The following CAMK1D variants were observed in gnomAD, a reference collection of about 807,000 sequenced individuals.
The protein encoded by CAMK1D is calcium/calmodulin dependent protein kinase ID, also known as calcium/calmodulin-dependent protein kinase type 1D.
CAMK1D carries 9 observed loss-of-function variants against 47.7 expected under a neutral mutation model. The ratio of observed to expected loss-of-function variants is 0.19; its 90% CI spans 0.11 to 0.33. The LOEUF (loss-of-function observed/expected upper bound fraction) is 0.33, where lower values mean the gene tolerates loss of function less well. CAMK1D is among the 10% of genes least tolerant of loss of function. The probability of loss-of-function intolerance (pLI) is 1.00; values close to 1 mark genes in which losing one functional copy is unlikely to be tolerated. For synonymous variants in CAMK1D, 184 were observed against 184.9 expected, an observed-to-expected ratio of 0.99 and a Z score of 0.04; for missense variants, 291 against 488.7, an observed-to-expected ratio of 0.60 and a Z score of 3.81.
chr10:12,710,448 A>G (rs1282282264), intron 3 of CAMK1D, among the ~76,000 whole-genome samples: 1 of 152,270 alleles, frequency 6.6e-6, no homozygotes, highest in Non-Finnish European at 1.5e-5. Flanking sequence ...AACATGAAAA[A>G]TAAAGAGCCC....
At chr10:12,501,792 A>AT (rs1245842332) in intron 1 of CAMK1D, among the ~76,000 whole-genome samples, 1 of 152,068 alleles carries the variant, frequency 6.6e-6, no homozygotes, top group Non-Finnish European at 1.5e-5. Flanking sequence ...ACCCTAAAGT[A>AT]TTATACAGCC....
chr10:12,703,573 G>C (rs1293514677), intron 3 of CAMK1D, among the ~76,000 whole-genome samples: 4 of 152,166 alleles, frequency 2.6e-5, no homozygotes, highest in Non-Finnish European at 5.9e-5. Context: ...ATACTTTCAA[G>C]ACAAATTTGA....
At chr10:12,458,224 A>C (rs1447419624) in intron 1 of CAMK1D, among the ~76,000 whole-genome samples, 2 of 152,192 alleles carry the variant, frequency 1.3e-5, no homozygotes, top group African/African-American at 4.8e-5. Flanking sequence ...AGAAGCATTA[A>C]GGTCCAAGCT....
chr10:12,597,431 C>T (rs371677931), intron 2 of CAMK1D, among the ~76,000 whole-genome samples: 4 of 152,130 alleles, frequency 2.6e-5, no homozygotes, highest in East Asian at 1.9e-4. Context: ...CTGGGCTGAC[C>T]GTTTCCTCGC....
At chr10:12,513,929 A>G (rs1395779614) in intron 1 of CAMK1D, among the ~76,000 whole-genome samples, 1 of 152,196 alleles carries the variant, frequency 6.6e-6, no homozygotes, top group Non-Finnish European at 1.5e-5. Context: ...CTGTATCTCT[A>G]CATTCATCTG....
intron 6 of CAMK1D, among the ~76,000 whole-genome samples, chr10:12,795,845 T>C (rs1838174799): frequency 6.6e-6 from 1 of 152,184 alleles, no homozygotes; most frequent in African/African-American, 2.4e-5. Flanking sequence ...GAATCTTGCT[T>C]TGGGGATTAG....
In CAMK1D at chr10:12,709,066, C is replaced by T. The variant is rs117955083; in HGVS notation, c.299+42256C>T. On this transcript the variant is annotated intron_variant, in intron 3 of 10. Transcript: ENST00000619168. ...AGATCTTTTGGCAGAAGGTGGCTAC[C>T]CAGGTCCAAGCCTCAGACATCTTTC... Among the ~76,000 whole-genome samples the T allele has an allele frequency of 9.2e-5, 14 of 152,334 alleles. No individual in the cohort carries two copies. In the East Asian group the frequency reaches 2.5e-3, roughly 27 times the overall value.
At chr10:12,405,362 C>G (rs1839381819) in intron 1 of CAMK1D, among the ~76,000 whole-genome samples, 1 of 152,160 alleles carries the variant, frequency 6.6e-6, no homozygotes, top group Admixed American at 6.5e-5. Context: ...GAAACAGTTG[C>G]ACTCATCAGC....
At chr10:12,378,097 G>A (rs1838234748) in intron 1 of CAMK1D, among the ~76,000 whole-genome samples, 1 of 152,200 alleles carries the variant, frequency 6.6e-6, no homozygotes, top group South Asian at 2.1e-4. Context: ...AGTCCAGTAT[G>A]ACCTCTGGGG....
At chr10:12,561,471 T>G (rs1836941506) in intron 2 of CAMK1D, among the ~76,000 whole-genome samples, 1 of 152,110 alleles carries the variant, frequency 6.6e-6, no homozygotes, top group Non-Finnish European at 1.5e-5. Flanking sequence ...GGCCCTTCCT[T>G]AGCAGTTCAG....
rs529970088 is a variant in CAMK1D, at chr10:12,830,964, C to CACACACACACAA, written c.*2078_*2079insCACACACACAAA. On this transcript the variant is annotated 3_prime_UTR_variant, in exon 11 of 11. Transcript: ENST00000619168. ...ACACACACACACACACACACACACA[C>CACACACACACAA]AATGTTATTAGGCACAGCAGCTCCA... 0.024 allele frequency: 2,110 copies of CACACACACACAA among 89,772 alleles called. 26 individuals are homozygous for CACACACACACAA. The highest frequency in any genetic ancestry group is 0.047 in the South Asian group (112 of 2,364). 5.6% of individuals were successfully genotyped at this position (89,772 alleles called of 1,614,324 possible).
At chr10:12,353,016 C>A (rs924395964) in intron 1 of CAMK1D, among the ~76,000 whole-genome samples, 1 of 152,086 alleles carries the variant, frequency 6.6e-6, no homozygotes, top group African/African-American at 2.4e-5. Flanking sequence ...GGATTACAGG[C>A]GTGAGCTACT....
intron 3 of CAMK1D, among the ~76,000 whole-genome samples, chr10:12,745,720 G>A (rs1038777842): frequency 8.0e-5 from 12 of 149,652 alleles, no homozygotes; most frequent in African/African-American, 2.2e-4. Flanking sequence ...CTCCTGTCTC[G>A]GCCTCCCGAG....
chr10:12,522,802 ACGGGGCGGC>A lies in CAMK1D; in HGVS notation c.93-30422_93-30414del, dbSNP rs1835467757. ...GGCAGAGGCGCCCACCACCTCCCAG[ACGGGGCGGC>A]TGGCCGGGCGGAGGCGCCCCCCACC... On this transcript the variant is annotated intron_variant, in intron 1 of 10. Transcript: ENST00000619168. Among the ~76,000 whole-genome samples the A allele has an allele frequency of 8.7e-5, 12 of 138,516 alleles. No individual in the cohort carries two copies. In the South Asian group the frequency reaches 2.9e-3, roughly 33 times the overall value. The allele number at this position is 138,516 out of a possible 152,430, so 90.9% of individuals were successfully genotyped here.
At chr10:12,777,363 CTTTTTTTT>C (rs869192068) in intron 5 of CAMK1D, among the ~76,000 whole-genome samples, 3 of 88,524 alleles carry the variant, frequency 3.4e-5, no homozygotes, top group Admixed American at 1.3e-4. Context: ...TTTGGTTGAA[CTTTTTTTT>C]TTTTTTTTTT....
chr10:12,454,997 G>A (rs1442321704), intron 1 of CAMK1D, among the ~76,000 whole-genome samples: 1 of 152,222 alleles, frequency 6.6e-6, no homozygotes, highest in African/African-American at 2.4e-5. Context: ...TACAGTCTGG[G>A]TGGTGGTTCT....
chr10:12,818,968 C>A (rs1832913386), intron 8 of CAMK1D, among the ~76,000 whole-genome samples: 1 of 152,038 alleles, frequency 6.6e-6, no homozygotes, highest in African/African-American at 2.4e-5. Flanking sequence ...ACATATTAGG[C>A]CTTTAAAGCT....
chr10:12,363,221 G>C (rs994657676), intron 1 of CAMK1D, among the ~76,000 whole-genome samples: 6 of 151,664 alleles, frequency 4.0e-5, no homozygotes, highest in African/African-American at 9.7e-5. Flanking sequence ...GATTACAGGC[G>C]TGAACCACCG....
chr10:12,415,445 C>T (rs1176039866), intron 1 of CAMK1D, among the ~76,000 whole-genome samples: 3 of 146,178 alleles, frequency 2.1e-5, no homozygotes, highest in Non-Finnish European at 4.5e-5. Context: ...CCCACCACCA[C>T]GCCTGGCTAA....
Sources: gnomAD v4.1 joint callset for allele counts (sites outside exome capture counted in the v4.1 genomes callset) on GRCh38, gnomAD v4.1.1 for gene constraint, MANE v1.5 for transcripts, NCBI Gene and HGNC (gene_info 2026-07-23, HGNC 2026-07-21) for gene names.